The following TMEM132D variants were observed in gnomAD, a reference collection of about 807,000 sequenced individuals.
TMEM132D encodes mature OL transmembrane protein.
A neutral mutation model predicts 62.3 loss-of-function variants in TMEM132D; 21 were observed. The ratio of observed to expected loss-of-function variants is 0.34; its 90% CI spans 0.24 to 0.49. The LOEUF is 0.49. Ranked by LOEUF, TMEM132D falls within the 20% of genes least tolerant of loss-of-function variation. The pLI is 0.99. For synonymous variants in TMEM132D, 621 were observed against 575.6 expected (o/e 1.08, Z -1.13); for missense variants, 1,346 against 1,402.8 (o/e 0.96, Z 0.65).
At chr12:129,658,352 T>G (rs536909728) in intron 2 of TMEM132D, among the ~76,000 whole-genome samples, 1 of 152,322 alleles carries the variant, frequency 6.6e-6, no homozygotes, top group African/African-American at 2.4e-5. Context: ...ACAAATCCCC[T>G]TAGCCTAAGA....
intron 4 of TMEM132D, among the ~76,000 whole-genome samples, chr12:129,271,114 T>A (rs1445073860): frequency 6.6e-6 from 1 of 152,140 alleles, no homozygotes; most frequent in African/African-American, 2.4e-5. Flanking sequence ...AAGCAATAGG[T>A]TTTAAGTAAT....
chr12:129,301,687 G>A (rs1881718365), intron 4 of TMEM132D, among the ~76,000 whole-genome samples: 1 of 152,266 alleles, frequency 6.6e-6, no homozygotes, highest in East Asian at 1.9e-4. Context: ...CACTGTTCTA[G>A]GTGATTTTAT....
chr12:129,389,877 G>A (rs58324238), intron 3 of TMEM132D, among the ~76,000 whole-genome samples: 13,938 of 152,260 alleles, frequency 0.092, 844 homozygotes, highest in African/African-American at 0.17. Flanking sequence ...GACCAGGAGA[G>A]GAGTAAAGAT....
chr12:129,527,546 G>T (rs550405683), intron 3 of TMEM132D, among the ~76,000 whole-genome samples: 2 of 152,246 alleles, frequency 1.3e-5, no homozygotes, highest in East Asian at 3.9e-4. Flanking sequence ...TTAAATAAAT[G>T]TAAGTTTTTC....
intron 1 of TMEM132D, among the ~76,000 whole-genome samples, chr12:129,756,852 C>A (rs1870184115): frequency 6.6e-6 from 1 of 152,228 alleles, no homozygotes; most frequent in African/African-American, 2.4e-5. Flanking sequence ...CCGCTTTCTG[C>A]AACCCTTGCT....
intron 5 of TMEM132D, 86 bp from the exon 6 acceptor site, chr12:129,084,788 C>T (rs781220748): frequency 7.3e-7 from 1 of 1,362,640 alleles, no homozygotes; most frequent in South Asian, 1.4e-5. Flanking sequence ...GGGAAGTGCC[C>T]TGGCTGGTGG....
intron 5 of TMEM132D, among the ~76,000 whole-genome samples, chr12:129,135,910 A>G (rs10847778): frequency 0.68 from 103,712 of 152,068 alleles, 36,224 homozygotes; most frequent in Non-Finnish European, 0.76. Context: ...GACACTAGCC[A>G]TATTGGATTA....
intron 3 of TMEM132D, among the ~76,000 whole-genome samples, chr12:129,366,279 G>A (rs886945231): frequency 2.0e-5 from 3 of 152,168 alleles, no homozygotes; most frequent in Non-Finnish European, 4.4e-5. Flanking sequence ...GGTGAGAGGT[G>A]ATTGGATCAT....
In TMEM132D at chr12:129,779,561, G is replaced by GT. The variant is rs757966932; in HGVS notation, c.80-78864dup. On this transcript the variant is annotated intron_variant, in intron 1 of 8. Transcript: ENST00000422113. This position sits in a 1 kb window ranked among gnomAD's most constrained non-coding sequence, Gnocchi z 4.1. Reference sequence around the variant, plus strand: ...GCCTCCCAAAGTGTTGGGATTACAGGTGTGAGCCACCACACCCGGCCCAGG... The same window carrying GT: ...GCCTCCCAAAGTGTTGGGATTACAGGTTGTGAGCCACCACACCCGGCCCAGG... Among the ~76,000 whole-genome samples, 130 of 152,296 alleles carry GT rather than the reference G, an allele frequency of 8.5e-4. 2 individuals are homozygous for GT. The highest frequency in any genetic ancestry group is 1.4e-3 in the Non-Finnish European group (92 of 68,026).
intron 1 of TMEM132D, among the ~76,000 whole-genome samples, chr12:129,831,747 G>A (rs1872839020): frequency 6.6e-6 from 1 of 152,036 alleles, no homozygotes. Flanking sequence ...CAGAAAAACT[G>A]AGCAAGCCAT....
intron 1 of TMEM132D, among the ~76,000 whole-genome samples, chr12:129,711,185 C>A (rs1011290341): frequency 6.6e-6 from 1 of 152,222 alleles, no homozygotes; most frequent in African/African-American, 2.4e-5. Flanking sequence ...CCTAAAACCT[C>A]TCTTCTCACC....
chr12:129,772,689 A>T (rs1370788521), intron 1 of TMEM132D, among the ~76,000 whole-genome samples: 1 of 152,210 alleles, frequency 6.6e-6, no homozygotes, highest in Non-Finnish European at 1.5e-5. Flanking sequence ...ATGTTTCTAA[A>T]AGCAGAACAC....
intron 1 of TMEM132D, among the ~76,000 whole-genome samples, chr12:129,885,398 C>T (rs1377770438): frequency 6.6e-6 from 1 of 152,216 alleles, no homozygotes; most frequent in African/African-American, 2.4e-5. Context: ...CTTGAAGGAC[C>T]TGCTCCAGGG....
At chr12:129,612,567 A>G (rs1416391438) in intron 2 of TMEM132D, among the ~76,000 whole-genome samples, 1 of 152,174 alleles carries the variant, frequency 6.6e-6, no homozygotes, top group Non-Finnish European at 1.5e-5. Context: ...GTAACCTTAA[A>G]AACGTATTTG....
intron 3 of TMEM132D, among the ~76,000 whole-genome samples, chr12:129,493,128 A>T (rs1874851199): frequency 6.6e-6 from 1 of 152,110 alleles, no homozygotes; most frequent in Non-Finnish European, 1.5e-5. Flanking sequence ...TTGAACCAAT[A>T]AATTCTCTCT....
intron 2 of TMEM132D, among the ~76,000 whole-genome samples, chr12:129,563,862 G>T (rs1877302140): frequency 6.6e-6 from 1 of 152,068 alleles, no homozygotes; most frequent in African/African-American, 2.4e-5. Context: ...GACCAATCAG[G>T]ATGGCCATGA....
intron 3 of TMEM132D, among the ~76,000 whole-genome samples, chr12:129,368,144 C>A (rs1169861171): frequency 6.6e-6 from 1 of 152,090 alleles, no homozygotes; most frequent in African/African-American, 2.4e-5. Flanking sequence ...AATTAAAATA[C>A]CGAGTGACAC....
chr12:129,550,409 G>C (rs1876861492), intron 2 of TMEM132D, among the ~76,000 whole-genome samples: 2 of 152,056 alleles, frequency 1.3e-5, no homozygotes, highest in African/African-American at 4.8e-5. Context: ...CTCTGAAATG[G>C]TTCTTTCTTC....
At position 129,571,230 on chromosome 12, in the gene TMEM132D, T is replaced by A. The variant is rs184956607; in HGVS notation, c.969-40025A>T. On this transcript the variant is annotated intron_variant, in intron 2 of 8. Coordinates refer to ENST00000422113, the MANE Select transcript of TMEM132D (RefSeq NM_133448.3). ...GTGACCACAAAACCTCTATGAATGC[T>A]AGGAGTTATTTGCAGGCTACTCTTT... Among the ~76,000 whole-genome samples the A allele has an allele frequency of 5.6e-4, 86 of 152,286 alleles. No homozygotes were observed. In the East Asian group the frequency reaches 0.014, roughly 25 times the overall value.
Sources: gnomAD v4.1 joint callset for allele counts (sites outside exome capture counted in the v4.1 genomes callset) on GRCh38, gnomAD v4.1.1 for gene constraint, Gnocchi (gnomAD v3.1) non-coding constraint, MANE v1.5 for transcripts, NCBI Gene and HGNC (gene_info 2026-07-23, HGNC 2026-07-21) for gene names.